Variants in THEMIS observed in about 807,000 individuals in gnomAD.
The protein encoded by THEMIS is protein THEMIS.
A neutral mutation model predicts 52.6 loss-of-function variants in THEMIS; 37 were observed. The ratio of observed to expected loss-of-function variants is 0.70; its 90% CI spans 0.54 to 0.93. The LOEUF (loss-of-function observed/expected upper bound fraction) is 0.93, where lower values mean the gene tolerates loss of function less well. Among genes scored for constraint, THEMIS ranks in the 40% least tolerant of loss-of-function variants. The pLI, the probability that THEMIS is intolerant of heterozygous loss-of-function variation, is 0.00. For missense variants in THEMIS, 808 were observed against 763.1 expected, an observed-to-expected ratio of 1.06 and a Z score of -0.69; for synonymous variants, 292 against 272.7, an observed-to-expected ratio of 1.07 and a Z score of -0.70.
intron 1 of THEMIS, among the ~76,000 whole-genome samples, chr6:127,863,528 C>G (rs1174318067): frequency 6.6e-6 from 1 of 152,184 alleles, no homozygotes; most frequent in East Asian, 1.9e-4. Flanking sequence ...TTTAACTCTT[C>G]TACGTAGAAG....
chr6:127,797,668 C>G (rs1027053761), intron 4 of THEMIS, among the ~76,000 whole-genome samples: 1 of 152,150 alleles, frequency 6.6e-6, no homozygotes, highest in Non-Finnish European at 1.5e-5. Flanking sequence ...GGAGAAGAAC[C>G]CAACATCTCT....
In THEMIS at chr6:127,867,403, T is replaced by C. The variant is rs1780016496; in HGVS notation, c.92-12215A>G. Among the ~76,000 whole-genome samples the C allele has an allele frequency of 2.0e-5, 3 of 152,248 alleles. No homozygotes were observed. In the South Asian group the frequency reaches 6.2e-4, roughly 32 times the overall value. ...AGACAAGGTTTCTATTGAATTATCA[T>C]AGGATCTAGGACTTTTTATGTTGCT... On this transcript the variant is annotated intron_variant, in intron 1 of 5. Transcript: ENST00000368248.
At chr6:127,705,917 T>C (rs1773792085), downstream of THEMIS, among the ~76,000 whole-genome samples, 1 of 152,130 alleles carries the variant, frequency 6.6e-6, no homozygotes, top group Admixed American at 6.5e-5. Context: ...CTGGAAAGAT[T>C]AGGTTGGAGT....
At chr6:127,880,630 T>C (rs1780455619) in intron 1 of THEMIS, among the ~76,000 whole-genome samples, 1 of 149,936 alleles carries the variant, frequency 6.7e-6, no homozygotes, top group African/African-American at 2.5e-5. Flanking sequence ...TCACACATTG[T>C]TTATGGGGCA....
chr6:127,809,331 AG>A (rs1285238649), intron 4 of THEMIS, among the ~76,000 whole-genome samples: 1 of 152,164 alleles, frequency 6.6e-6, no homozygotes, highest in African/African-American at 2.4e-5. Flanking sequence ...AATATATGAA[AG>A]GATGACTTTG....
intron 1 of THEMIS, among the ~76,000 whole-genome samples, chr6:127,896,976 A>C (rs1780987450): frequency 6.6e-6 from 1 of 151,498 alleles, no homozygotes; most frequent in Non-Finnish European, 1.5e-5. Context: ...CAAGTAGATG[A>C]ATAGAACAGC....
At chr6:127,828,320 T>G (rs1410522382) in intron 3 of THEMIS, among the ~76,000 whole-genome samples, 1 of 152,180 alleles carries the variant, frequency 6.6e-6, no homozygotes, top group East Asian at 1.9e-4. Flanking sequence ...CAACTGCACA[T>G]TTGGGGATCG....
chr6:127,813,721 A>T lies in THEMIS; in HGVS notation c.920T>A (p.Ile307Asn). Residue 307 changes from isoleucine to asparagine, a missense_variant, in exon 4 of 6, where the codon ATT becomes AAT. By Grantham distance (149) the Ile-to-Asn change is moderately radical (BLOSUM62 -3). Transcript: ENST00000368248. ...PQSILQPGKT[I>N]VIHKKYQASR... ...TGCCTGGTACTTTTTGTGGATCACA[A>T]TGGTTTTCCCAGGCTGTAAAATGCT... The T allele has an allele frequency of 1.2e-6, 2 of 1,613,972 alleles. No individual in the cohort carries two copies. The highest frequency in any genetic ancestry group is 1.7e-6 in the Non-Finnish European group (2 of 1,179,936).
At chr6:127,748,376 T>A (rs548274118) in intron 4 of THEMIS, among the ~76,000 whole-genome samples, 1 of 152,110 alleles carries the variant, frequency 6.6e-6, no homozygotes, top group South Asian at 2.1e-4. Context: ...AGTGGGCACG[T>A]GTGAAAAGGG....
chr6:127,753,332 T>C (rs1371965875), intron 4 of THEMIS, among the ~76,000 whole-genome samples: 1 of 151,938 alleles, frequency 6.6e-6, no homozygotes, highest in African/African-American at 2.4e-5. Flanking sequence ...AAAATCAATA[T>C]ACAAAAATCA....
chr6:127,877,904 C>G (rs754127201), intron 1 of THEMIS, among the ~76,000 whole-genome samples: 3 of 152,050 alleles, frequency 2.0e-5, no homozygotes, highest in Non-Finnish European at 4.4e-5. Context: ...TGAAGTATGC[C>G]TGTATGCATC....
At chr6:127,796,552 A>G (rs1158424337) in intron 4 of THEMIS, among the ~76,000 whole-genome samples, 2 of 152,224 alleles carry the variant, frequency 1.3e-5, no homozygotes, top group Non-Finnish European at 2.9e-5. Context: ...GAGAAAACAT[A>G]AAGATCCCAC....
intron 3 of THEMIS, among the ~76,000 whole-genome samples, chr6:127,819,145 A>C (rs1372251719): frequency 1.3e-5 from 2 of 148,592 alleles, no homozygotes; most frequent in Non-Finnish European, 3.0e-5. Flanking sequence ...AAAAAAAAAA[A>C]AAAAGAAAGA....
At chr6:127,718,435 T>C (rs956802563) in intron 5 of THEMIS, among the ~76,000 whole-genome samples, 5 of 151,894 alleles carry the variant, frequency 3.3e-5, no homozygotes, top group Non-Finnish European at 5.9e-5. Flanking sequence ...TAACATACGC[T>C]GTACTACTCA....
chr6:127,855,874 T>C (rs1779602385), intron 1 of THEMIS, among the ~76,000 whole-genome samples: 1 of 151,898 alleles, frequency 6.6e-6, no homozygotes, highest in Non-Finnish European at 1.5e-5. Context: ...TATTTTCCTT[T>C]AATATTCCCT....
intron 1 of THEMIS, among the ~76,000 whole-genome samples, chr6:127,906,097 A>G (rs1461454362): frequency 6.6e-6 from 1 of 151,318 alleles, no homozygotes; most frequent in Non-Finnish European, 1.5e-5. Flanking sequence ...GTTGGCAGAT[A>G]ACATTTAAAC....
intron 1 of THEMIS, among the ~76,000 whole-genome samples, chr6:127,917,049 A>T (rs1250457595): frequency 2.0e-5 from 3 of 152,256 alleles, no homozygotes; most frequent in African/African-American, 7.2e-5. Context: ...AATTTAGTCT[A>T]TAGGGTCTAG....
intron 4 of THEMIS, among the ~76,000 whole-genome samples, chr6:127,731,585 G>GAA (rs1278699405): frequency 9.1e-6 from 1 of 109,448 alleles, no homozygotes; most frequent in Non-Finnish European, 1.9e-5. Context: ...GGCATTTTCA[G>GAA]AAAAAAAAAA....
intron 4 of THEMIS, among the ~76,000 whole-genome samples, chr6:127,731,728 C>T (rs1248547305): frequency 9.7e-5 from 13 of 133,662 alleles, no homozygotes; most frequent in East Asian, 4.3e-4. Context: ...GATGGAGTCT[C>T]GCTCTGTCGC....
Sources: gnomAD v4.1 joint callset for allele counts (sites outside exome capture counted in the v4.1 genomes callset) on GRCh38, gnomAD v4.1.1 for gene constraint, MANE v1.5 for transcripts, NCBI Gene and HGNC (gene_info 2026-07-23, HGNC 2026-07-21) for gene names.